The following FAF1 variants were observed in gnomAD, a reference collection of about 807,000 sequenced individuals.
FAF1 encodes FAS-associated factor 1.
In FAF1, 25 loss-of-function variants were observed where a neutral mutation model predicts 92.5. The ratio of observed to expected loss-of-function variants is 0.27; its 90% confidence interval spans 0.20 to 0.38. The LOEUF is 0.38. Ranked by LOEUF, FAF1 falls within the 10% of genes least tolerant of loss-of-function variation. The pLI, the probability that FAF1 is intolerant of heterozygous loss-of-function variation, is 1.00. For synonymous variants in FAF1, 234 were observed against 273.2 expected (o/e 0.86, Z 1.42); for missense variants, 636 against 793.3 (o/e 0.80, Z 2.38).
intron 18 of FAF1, among the ~76,000 whole-genome samples, chr1:50,460,357 G>A (rs945818872): frequency 2.0e-5 from 3 of 152,046 alleles, no homozygotes; most frequent in Admixed American, 6.6e-5. Flanking sequence ...TCACATTTGT[G>A]TGCTTTTTGT....
At chr1:50,802,585 T>C (rs1378572629) in intron 2 of FAF1, among the ~76,000 whole-genome samples, 1 of 152,196 alleles carries the variant, frequency 6.6e-6, no homozygotes, top group Non-Finnish European at 1.5e-5. Flanking sequence ...AGCACAGGTA[T>C]GACAGGACAT....
chr1:50,674,519 C>T (rs1327659689), intron 7 of FAF1, among the ~76,000 whole-genome samples: 1 of 152,182 alleles, frequency 6.6e-6, no homozygotes, highest in Non-Finnish European at 1.5e-5. Context: ...TTCAGAGATT[C>T]TGATCAAAGA....
chr1:50,919,738 T>C (rs1270172056), intron 1 of FAF1, among the ~76,000 whole-genome samples: 2 of 152,194 alleles, frequency 1.3e-5, no homozygotes, highest in African/African-American at 4.8e-5. Context: ...CCACCAGCCT[T>C]GGCCTTTTAC....
rs77293990 is a variant in FAF1 at position 50,809,379 on chromosome 1, G to GA, written c.115-7703dup. On this transcript the variant is annotated intron_variant, in intron 2 of 18. Coordinates refer to ENST00000396153, the MANE Select transcript of FAF1 (RefSeq NM_007051.3). Reference sequence around the variant, plus strand: ...CATAATAACTAGCTAGACTAATGAAGAAAAAAAAGATAAAAGCTCCAAATG... The same window carrying GA: ...CATAATAACTAGCTAGACTAATGAAGAAAAAAAAAGATAAAAGCTCCAAATG... Among the ~76,000 whole-genome samples the GA allele has an allele frequency of 7.0e-4, 105 of 150,816 alleles. 5 individuals are homozygous for GA. In the East Asian group the frequency reaches 0.019, roughly 28 times the overall value.
intron 18 of FAF1, among the ~76,000 whole-genome samples, chr1:50,472,870 T>C (rs1473440252): frequency 6.6e-6 from 1 of 152,178 alleles, no homozygotes; most frequent in Non-Finnish European, 1.5e-5. Flanking sequence ...GCAAAAACAC[T>C]AGTCATTTGA....
intron 7 of FAF1, among the ~76,000 whole-genome samples, chr1:50,662,891 G>A (rs929321058): frequency 6.6e-6 from 1 of 150,852 alleles, no homozygotes; most frequent in Non-Finnish European, 1.5e-5. Context: ...TAGTAGAGAT[G>A]GGGTTTCACC....
Position 50,496,045 on chromosome 1 carries a change from C to CAA in FAF1, c.1495-4246_1495-4245dup, listed in dbSNP as rs141225922. On this transcript the variant is annotated intron_variant, in intron 15 of 18. Coordinates refer to ENST00000396153, the MANE Select transcript of FAF1 (RefSeq NM_007051.3). ...ATGGTTCCCACAGTAAGAATTTAACCAAAAAAAAAGAAATTTAGATGTAAT... is the reference window on the plus strand; with the variant it reads ...ATGGTTCCCACAGTAAGAATTTAACCAAAAAAAAAAAGAAATTTAGATGTAAT... Among the ~76,000 whole-genome samples, 38 of 148,758 alleles carry CAA rather than the reference C, an allele frequency of 2.6e-4. No homozygotes were observed. The East Asian group carries it at 3.5e-3, about 14-fold the overall frequency.
intron 15 of FAF1, among the ~76,000 whole-genome samples, chr1:50,523,261 G>A (rs368220269): frequency 6.6e-6 from 1 of 152,088 alleles, no homozygotes; most frequent in African/African-American, 2.4e-5. Context: ...CCTGTTTTCA[G>A]TTCTTTTGGG....
chr1:50,854,989 T>C (rs530230177), intron 2 of FAF1, among the ~76,000 whole-genome samples: 1 of 151,950 alleles, frequency 6.6e-6, no homozygotes, highest in South Asian at 2.1e-4. Flanking sequence ...AAATGCTCGA[T>C]GGAACATTTT....
At position 50,647,491 on chromosome 1, in the gene FAF1, AT is replaced by A. The variant is rs959461371; in HGVS notation, c.744+7950del. The stretch of plus-strand genomic sequence containing the variant: ...TCTGGAGGCTGCCAATTTGCGAATC[AT>A]TTTTTTTTCTTGTTCAATTAAACTC... On this transcript the variant is annotated intron_variant, in intron 8 of 18. Transcript: ENST00000396153. 4.6e-5 allele frequency among the ~76,000 whole-genome samples: 7 copies of A among 151,026 alleles called. No homozygotes were observed. The East Asian group carries it at 9.7e-4, about 21-fold the overall frequency.
intron 13 of FAF1, among the ~76,000 whole-genome samples, chr1:50,552,169 C>T (rs138286513): frequency 1.2e-4 from 18 of 151,956 alleles, no homozygotes; most frequent in African/African-American, 4.1e-4. Flanking sequence ...TGGTAGTGTG[C>T]GTTTGTAGTC....
intron 3 of FAF1, among the ~76,000 whole-genome samples, chr1:50,800,076 C>T (rs1468863107): frequency 1.3e-5 from 2 of 152,036 alleles, no homozygotes; most frequent in African/African-American, 2.4e-5. Context: ...CAACAAAATC[C>T]TACTCTGATC....
At chr1:50,872,623 G>A (rs544420566) in intron 1 of FAF1, among the ~76,000 whole-genome samples, 27 of 152,252 alleles carry the variant, frequency 1.8e-4, no homozygotes, top group South Asian at 1.5e-3. Flanking sequence ...CAGGCTGGGC[G>A]CGGTGGCTCA....
At chr1:50,818,241 C>G (rs1214379535) in intron 2 of FAF1, among the ~76,000 whole-genome samples, 2 of 152,152 alleles carry the variant, frequency 1.3e-5, no homozygotes, top group African/African-American at 4.8e-5. Context: ...ACTATCAACA[C>G]CAAATAATGG....
intron 15 of FAF1, among the ~76,000 whole-genome samples, chr1:50,511,978 C>T (rs1647140396): frequency 6.6e-6 from 1 of 152,196 alleles, no homozygotes; most frequent in Admixed American, 6.5e-5. Context: ...TGTTGATTTG[C>T]ATTTCTCTAA....
intron 4 of FAF1, among the ~76,000 whole-genome samples, chr1:50,781,684 T>C (rs1661185306): frequency 6.6e-6 from 1 of 152,200 alleles, no homozygotes; most frequent in Non-Finnish European, 1.5e-5. Flanking sequence ...TGAACATCCA[T>C]TCTATCACAG....
chr1:50,858,498 G>A (rs920362064), intron 1 of FAF1, among the ~76,000 whole-genome samples: 4 of 151,770 alleles, frequency 2.6e-5, no homozygotes, highest in Non-Finnish European at 5.9e-5. Context: ...GTGAGTCCTT[G>A]AAATGTGGCT....
At chr1:50,948,472 G>C (rs1350736717) in intron 1 of FAF1, among the ~76,000 whole-genome samples, 2 of 152,066 alleles carry the variant, frequency 1.3e-5, no homozygotes, top group Non-Finnish European at 2.9e-5. Flanking sequence ...GGCAAGAGAG[G>C]GAGCCAGACA....
chr1:50,731,826 T>C (rs1339052899), intron 6 of FAF1, among the ~76,000 whole-genome samples: 1 of 152,150 alleles, frequency 6.6e-6, no homozygotes, highest in African/African-American at 2.4e-5. Flanking sequence ...ATAAATTGTT[T>C]TGAAGTAAAT....
Sources: allele counts gnomAD v4.1 joint callset (sites outside exome capture counted in the v4.1 genomes callset), GRCh38; gene constraint gnomAD v4.1.1; transcripts MANE v1.5; gene names NCBI Gene and HGNC (gene_info 2026-07-23, HGNC 2026-07-21).